The following VTI1A variants were observed in gnomAD, a reference collection of about 807,000 sequenced individuals.
VTI1A encodes the protein vesicle transport through interaction with t-SNAREs homolog 1A.
Under a neutral mutation model 34.9 loss-of-function variants are expected in VTI1A, and 22 were observed. The ratio of observed to expected loss-of-function variants is 0.63; its 90% CI spans 0.45 to 0.90. The LOEUF (loss-of-function observed/expected upper bound fraction) is 0.90. Among genes scored for constraint, VTI1A ranks in the 40% least tolerant of loss-of-function variants. The pLI is 0.00. For synonymous variants in VTI1A, 87 were observed against 97.3 expected, an observed-to-expected ratio of 0.89 and a Z score of 0.62; for missense variants, 268 against 275.6, an observed-to-expected ratio of 0.97 and a Z score of 0.20.
At chr10:112,478,573 C>G (rs564282436) in intron 3 of VTI1A, among the ~76,000 whole-genome samples, 2 of 152,200 alleles carry the variant, frequency 1.3e-5, no homozygotes, top group Non-Finnish European at 2.9e-5. Context: ...AATATGAAAT[C>G]TTCCATCTCA....
chr10:112,454,362 A>G (rs915337460), intron 1 of VTI1A, among the ~76,000 whole-genome samples: 4 of 152,198 alleles, frequency 2.6e-5, no homozygotes, highest in Admixed American at 2.6e-4. Flanking sequence ...TGAGAGGCCA[A>G]GATGGGAGGA....
chr10:112,494,507 T>TTCCTTTCCTCCTTCTTTCCTCC (rs1185799409), intron 3 of VTI1A, among the ~76,000 whole-genome samples: 1 of 152,076 alleles, frequency 6.6e-6, no homozygotes, highest in Non-Finnish European at 1.5e-5. Context: ...TCCTTTCCTC[T>TTCCTTTCCTCCTTCTTTCCTCC]TCCTTTCCTC....
intron 7 of VTI1A, among the ~76,000 whole-genome samples, chr10:112,699,711 A>G (rs1385092235): frequency 3.3e-5 from 5 of 151,908 alleles, no homozygotes; most frequent in African/African-American, 1.2e-4. Flanking sequence ...CATGCCTGCA[A>G]TCCCAGCTAC....
chr10:112,454,367 G>A (rs1224410704), intron 1 of VTI1A, among the ~76,000 whole-genome samples: 2 of 152,158 alleles, frequency 1.3e-5, no homozygotes, highest in Non-Finnish European at 2.9e-5. Flanking sequence ...GGCCAAGATG[G>A]GAGGATCACT....
intron 3 of VTI1A, among the ~76,000 whole-genome samples, chr10:112,510,081 T>C (rs1849555509): frequency 6.6e-6 from 1 of 152,188 alleles, no homozygotes; most frequent in Non-Finnish European, 1.5e-5. Context: ...ACAGTCAAAA[T>C]TAGACAGATC....
chr10:112,842,009 A>G, the VTI1A span, among the ~76,000 whole-genome samples: 1 of 147,340 alleles, frequency 6.8e-6, no homozygotes, highest in Admixed American at 6.8e-5. Flanking sequence ...GTTTCCAACA[A>G]TTGGATACAG....
In VTI1A at chr10:112,788,640, A is replaced by G. The variant is rs145734113; in HGVS notation, c.561-26650A>G. On this transcript the variant is annotated intron_variant, in intron 7 of 7. Coordinates refer to ENST00000393077, the MANE Select transcript of VTI1A (RefSeq NM_145206.4). ...AGTCCTTTAACATGTACATGTTAAC[A>G]TTTAGTCCATTAACATTTAACATGT... is the stretch of plus-strand genomic sequence containing the variant. Among the ~76,000 whole-genome samples the G allele has an allele frequency of 3.4e-3, 522 of 152,280 alleles. 4 individuals are homozygous for G. Among genetic ancestry groups the G allele is most frequent in the Non-Finnish European group, 2.9e-3 (197 of 68,014 alleles).
chr10:112,497,486 G>A (rs185654132), intron 3 of VTI1A, among the ~76,000 whole-genome samples: 25 of 152,084 alleles, frequency 1.6e-4, no homozygotes, highest in African/African-American at 6.0e-4. Flanking sequence ...TGCCTCAAAG[G>A]ATTATTGTGA....
chr10:112,753,132 A>T (rs2133995078), intron 7 of VTI1A, among the ~76,000 whole-genome samples: 1 of 152,274 alleles, frequency 6.6e-6, no homozygotes, highest in South Asian at 2.1e-4. Flanking sequence ...CAATGGTGTT[A>T]TATGAACATT....
intron 7 of VTI1A, among the ~76,000 whole-genome samples, chr10:112,673,375 C>T (rs1847918247): frequency 6.6e-6 from 1 of 151,868 alleles, no homozygotes; most frequent in Admixed American, 6.6e-5. Flanking sequence ...TGATTAACAC[C>T]CATTCTGTTT....
chr10:112,765,719 G>A (rs1040214164), intron 7 of VTI1A, among the ~76,000 whole-genome samples: 1 of 152,150 alleles, frequency 6.6e-6, no homozygotes, highest in Non-Finnish European at 1.5e-5. Context: ...ATGAAGGAGA[G>A]CTTCATGGTG....
chr10:112,774,907 G>A (rs1851915079), intron 7 of VTI1A, among the ~76,000 whole-genome samples: 1 of 152,178 alleles, frequency 6.6e-6, no homozygotes, highest in African/African-American at 2.4e-5. Flanking sequence ...GTGTTCACAG[G>A]AGTGTGTTAA....
At chr10:112,507,919 G>A (rs1849486510) in intron 3 of VTI1A, among the ~76,000 whole-genome samples, 1 of 152,096 alleles carries the variant, frequency 6.6e-6, no homozygotes, top group South Asian at 2.1e-4. Flanking sequence ...AACAGCTGTG[G>A]CTCTCTTCTC....
chr10:112,620,224 C>G (rs1258233025), intron 5 of VTI1A, among the ~76,000 whole-genome samples: 1 of 144,416 alleles, frequency 6.9e-6, no homozygotes, highest in Non-Finnish European at 1.5e-5. Flanking sequence ...TGTTACTGAT[C>G]ATTGAAGCTA....
chr10:112,769,584 G>A (rs866843628), intron 7 of VTI1A, among the ~76,000 whole-genome samples: 2 of 152,172 alleles, frequency 1.3e-5, no homozygotes, highest in African/African-American at 2.4e-5. Context: ...CAGCAAGGTG[G>A]AGCCTTGGTG....
At chr10:112,576,859 C>T (rs936984620) in intron 5 of VTI1A, among the ~76,000 whole-genome samples, 3 of 152,084 alleles carry the variant, frequency 2.0e-5, no homozygotes, top group African/African-American at 7.2e-5. Flanking sequence ...ATTACACACA[C>T]CCACACACAC....
chr10:112,587,914 G>GT (rs921925575), intron 5 of VTI1A, among the ~76,000 whole-genome samples: 142 of 143,864 alleles, frequency 9.9e-4, no homozygotes, highest in East Asian at 1.6e-3. Context: ...AAGAGAAGTG[G>GT]TTTTTTTTTT....
At chr10:112,448,169 A>G (rs1212094049) in intron 1 of VTI1A, among the ~76,000 whole-genome samples, 1 of 152,224 alleles carries the variant, frequency 6.6e-6, no homozygotes, top group African/African-American at 2.4e-5. Context: ...TATATAACAT[A>G]TTTAAAGTCA....
chr10:112,570,708 C>G (rs1470543131), intron 5 of VTI1A, among the ~76,000 whole-genome samples: 1 of 152,196 alleles, frequency 6.6e-6, no homozygotes, highest in Non-Finnish European at 1.5e-5. Context: ...TATTTTTGTG[C>G]TAATTTTCTC....
Sources: allele counts gnomAD v4.1 joint callset (sites outside exome capture counted in the v4.1 genomes callset), GRCh38; gene constraint gnomAD v4.1.1; transcripts MANE v1.5; gene names NCBI Gene and HGNC (gene_info 2026-07-23, HGNC 2026-07-21).